Variants in BBS9 observed in about 807,000 individuals in gnomAD.
BBS9 encodes the protein protein PTHB1.
A neutral mutation model predicts 117.7 loss-of-function variants in BBS9; 89 were observed. That is an observed-to-expected ratio of 0.76 (90% confidence interval 0.64 to 0.90). The LOEUF is 0.90. Ranked by LOEUF, BBS9 falls within the 40% of genes least tolerant of loss-of-function variation. BBS9 has a pLI of 0.00. For missense variants in BBS9, 982 were observed against 1,042.2 expected, an observed-to-expected ratio of 0.94 and a Z score of 0.80; for synonymous variants, 379 against 370.9, an observed-to-expected ratio of 1.02 and a Z score of -0.25.
At chr7:33,580,380 CA>C (rs1859681009) in intron 21 of BBS9, among the ~76,000 whole-genome samples, 2 of 151,816 alleles carry the variant, frequency 1.3e-5, no homozygotes, top group South Asian at 4.2e-4. Flanking sequence ...GACTTTTTAA[CA>C]TGCTTATTTA....
chr7:33,359,334 T>C (rs1820202025), intron 16 of BBS9, among the ~76,000 whole-genome samples: 1 of 152,022 alleles, frequency 6.6e-6, no homozygotes. Context: ...CAATTAGAAT[T>C]GAATAAAAAC....
chr7:33,276,956 TG>T, intron 9 of BBS9: 1 of 222,280 alleles, frequency 4.5e-6, no homozygotes. Flanking sequence ...AGATCTAAGC[TG>T]ATGTCCCAGA....
At chr7:33,139,155 G>A (rs2128073113) in intron 1 of BBS9, among the ~76,000 whole-genome samples, 1 of 151,360 alleles carries the variant, frequency 6.6e-6, no homozygotes, top group African/African-American at 2.4e-5. Context: ...AGGAGGCTGA[G>A]GCAGGAGAAT....
chr7:33,421,314 C>T (rs1273206944), intron 19 of BBS9, among the ~76,000 whole-genome samples: 9 of 151,942 alleles, frequency 5.9e-5, no homozygotes, highest in South Asian at 2.1e-4. Context: ...AAGATCTAGT[C>T]GTGAGGGAGT....
chr7:33,143,107 C>A (rs1331830082), intron 1 of BBS9, among the ~76,000 whole-genome samples: 1 of 151,966 alleles, frequency 6.6e-6, no homozygotes, highest in African/African-American at 2.4e-5. Flanking sequence ...GTAGCTGGGA[C>A]TACAGGCGCC....
At chr7:33,325,589 T>G (rs541475261) in intron 9 of BBS9, among the ~76,000 whole-genome samples, 2 of 152,276 alleles carry the variant, frequency 1.3e-5, no homozygotes, top group African/African-American at 4.8e-5. Flanking sequence ...ATTGTAGCCT[T>G]TGCAATCTGG....
chr7:33,551,371 T>C (rs1854388431), intron 21 of BBS9, among the ~76,000 whole-genome samples: 1 of 152,192 alleles, frequency 6.6e-6, no homozygotes, highest in African/African-American at 2.4e-5. Context: ...TGTGACTATG[T>C]ACTGTGTAAA....
At chr7:33,231,653 A>G (rs1303115754) in intron 5 of BBS9, among the ~76,000 whole-genome samples, 1 of 151,886 alleles carries the variant, frequency 6.6e-6, no homozygotes, top group Non-Finnish European at 1.5e-5. Context: ...TATTTTTAAA[A>G]CTATTTTAAA....
chr7:33,600,968 G>A (rs920503598), intron 21 of BBS9, among the ~76,000 whole-genome samples: 1 of 152,184 alleles, frequency 6.6e-6, no homozygotes, highest in Non-Finnish European at 1.5e-5. Flanking sequence ...TATTCATGGG[G>A]GCCCCATTAC....
intron 21 of BBS9, among the ~76,000 whole-genome samples, chr7:33,581,825 C>T (rs971035399): frequency 5.9e-5 from 9 of 152,086 alleles, no homozygotes; most frequent in Admixed American, 3.9e-4. Context: ...TTGTTTTTCA[C>T]GCACATGAAT....
At chr7:33,192,991 G>C (rs1281191189) in intron 5 of BBS9, among the ~76,000 whole-genome samples, 1 of 152,226 alleles carries the variant, frequency 6.6e-6, no homozygotes, top group Admixed American at 6.5e-5. Context: ...AATTTTGGAT[G>C]ACGTTCAGAC....
chr7:33,307,124 T>C (rs1380627514), intron 9 of BBS9, among the ~76,000 whole-genome samples: 1 of 152,194 alleles, frequency 6.6e-6, no homozygotes, highest in African/African-American at 2.4e-5. Context: ...CAATTTTCAA[T>C]TTGTAACCTA....
intron 21 of BBS9, among the ~76,000 whole-genome samples, chr7:33,542,794 C>T (rs1366782146): frequency 6.6e-4 from 6 of 9,054 alleles, no homozygotes; most frequent in African/African-American, 3.4e-3. Context: ...TATATGTACA[C>T]ACACACACAC....
chr7:33,208,726 G>T (rs1204472519), intron 5 of BBS9, among the ~76,000 whole-genome samples: 1 of 151,862 alleles, frequency 6.6e-6, no homozygotes, highest in Non-Finnish European at 1.5e-5. Flanking sequence ...GATTCAGTGT[G>T]GTTTTATGTT....
At chr7:33,423,360 A>T (rs1172514392) in intron 19 of BBS9, among the ~76,000 whole-genome samples, 3 of 152,006 alleles carry the variant, frequency 2.0e-5, no homozygotes, top group African/African-American at 7.2e-5. Flanking sequence ...AAAATCAAAA[A>T]GATAGAATTT....
At chr7:33,460,643 G>A (rs1388970436) in intron 19 of BBS9, among the ~76,000 whole-genome samples, 3 of 151,606 alleles carry the variant, frequency 2.0e-5, no homozygotes, top group Non-Finnish European at 4.4e-5. Context: ...TTTAAACATA[G>A]AATTGTCAAT....
At chr7:33,299,135 T>G (rs1361739244) in intron 9 of BBS9, among the ~76,000 whole-genome samples, 3 of 152,234 alleles carry the variant, frequency 2.0e-5, no homozygotes, top group African/African-American at 7.2e-5. Context: ...GCTATCATGC[T>G]TCAGCATTGC....
At chr7:33,425,151 C>T (rs1213885606) in intron 19 of BBS9, among the ~76,000 whole-genome samples, 2 of 152,048 alleles carry the variant, frequency 1.3e-5, no homozygotes, top group African/African-American at 4.8e-5. Context: ...TGTTATCTAC[C>T]ATTCTACATA....
intron 21 of BBS9, among the ~76,000 whole-genome samples, chr7:33,542,318 C>T (rs1418336173): frequency 3.3e-5 from 5 of 152,008 alleles, no homozygotes; most frequent in East Asian, 3.9e-4. Context: ...CTCCTGACCT[C>T]GTGATCCACC....
Sources: gnomAD v4.1 joint callset for allele counts (sites outside exome capture counted in the v4.1 genomes callset) on GRCh38, gnomAD v4.1.1 for gene constraint, MANE v1.5 for transcripts, NCBI Gene and HGNC (gene_info 2026-07-23, HGNC 2026-07-21) for gene names.